The following ARHGAP22 variants were observed in gnomAD, a reference collection of about 807,000 sequenced individuals.
ARHGAP22 encodes the protein Rho GTPase activating protein 22.
A neutral mutation model predicts 59.1 loss-of-function variants in ARHGAP22; 48 were observed. The ratio of observed to expected loss-of-function variants is 0.81; its 90% confidence interval spans 0.64 to 1.03. The LOEUF is 1.03. Ranked by LOEUF, ARHGAP22 falls within the 50% of genes least tolerant of loss-of-function variation. ARHGAP22 has a pLI of 0.00. For synonymous variants in ARHGAP22, 445 were observed against 416.4 expected (o/e 1.07, Z -0.84); for missense variants, 1,015 against 958.7 (o/e 1.06, Z -0.78).
intron 1 of ARHGAP22, among the ~76,000 whole-genome samples, chr10:48,641,373 G>C (rs1443688169): frequency 6.6e-6 from 1 of 152,012 alleles, no homozygotes; most frequent in African/African-American, 2.4e-5. Context: ...ACACAAACTG[G>C]TTAAAAGAAA....
At chr10:48,458,310 G>A (rs531732963) in intron 5 of ARHGAP22, among the ~76,000 whole-genome samples, 2 of 152,144 alleles carry the variant, frequency 1.3e-5, no homozygotes, top group African/African-American at 2.4e-5. Context: ...GAGGCCGAGA[G>A]TCAGGTCTGC....
At chr10:48,547,138 A>G (rs906174564) in intron 3 of ARHGAP22, among the ~76,000 whole-genome samples, 1 of 152,218 alleles carries the variant, frequency 6.6e-6, no homozygotes, top group African/African-American at 2.4e-5. Context: ...GGGCACAAAC[A>G]GGAAGATGGC....
chr10:48,496,508 A>T (rs750379863), intron 3 of ARHGAP22, among the ~76,000 whole-genome samples: 1 of 152,214 alleles, frequency 6.6e-6, no homozygotes, highest in Non-Finnish European at 1.5e-5. Flanking sequence ...TCATAGTCAC[A>T]TAGGTAAGAA....
At chr10:48,465,294 T>A (rs2047540674) in intron 4 of ARHGAP22, among the ~76,000 whole-genome samples, 1 of 152,196 alleles carries the variant, frequency 6.6e-6, no homozygotes. Context: ...ATGAACTTGC[T>A]GCCAGGCCTC....
chr10:48,549,705 G>A (rs575571352), intron 3 of ARHGAP22, among the ~76,000 whole-genome samples: 36 of 152,276 alleles, frequency 2.4e-4, no homozygotes, highest in African/African-American at 8.4e-4. Context: ...ATAATTATTA[G>A]AATTAAAACA....
intron 1 of ARHGAP22, among the ~76,000 whole-genome samples, chr10:48,591,694 C>G (rs185066058): frequency 6.6e-6 from 1 of 151,972 alleles, no homozygotes; most frequent in Non-Finnish European, 1.5e-5. Context: ...GGCAACATGG[C>G]GAAACCTCAT....
At chr10:48,590,293 G>T (rs12415798) in intron 1 of ARHGAP22, among the ~76,000 whole-genome samples, 1 of 152,084 alleles carries the variant, frequency 6.6e-6, no homozygotes, top group Non-Finnish European at 1.5e-5. Context: ...ACTGGCAGAT[G>T]TGGAGGCTGT....
intron 2 of ARHGAP22, among the ~76,000 whole-genome samples, chr10:48,578,307 G>A (rs1229355059): frequency 6.6e-6 from 1 of 152,070 alleles, no homozygotes; most frequent in Non-Finnish European, 1.5e-5. Context: ...TAAATCAGCA[G>A]CCTCTCCCTC....
intron 3 of ARHGAP22, among the ~76,000 whole-genome samples, chr10:48,524,521 TG>T (rs1027148113): frequency 6.6e-6 from 1 of 151,756 alleles, no homozygotes; most frequent in South Asian, 2.1e-4. Flanking sequence ...CAAGCAGGGG[TG>T]GGGGGCCACA....
intron 8 of ARHGAP22, 86 bp from the exon 9 acceptor site, chr10:48,451,226 C>T (rs1355758035): frequency 1.3e-6 from 2 of 1,528,032 alleles, no homozygotes; most frequent in African/African-American, 1.4e-5. Flanking sequence ...GCTGCAGCTT[C>T]GTGGGAGCTG....
Position 48,583,149 on chromosome 10 carries a change from C to T in ARHGAP22, c.38G>A (p.Arg13His), listed in dbSNP as rs775119246. 2.7e-5 allele frequency: 44 copies of T among 1,613,410 alleles called. No individual in the cohort carries two copies. Among genetic ancestry groups the T allele is most frequent in the South Asian group, 2.2e-4 (20 of 91,022 alleles). ...CTCCCCCATCACTAGGCTTTTGGAGCGGGCTGAAAGCCAAGGACACACAGA... is the reference window on the plus strand; with the variant it reads ...CTCCCCCATCACTAGGCTTTTGGAGTGGGCTGAAAGCCAAGGACACACAGA... ...SPKIRQARRA[R>H]SKSLVMGEQS... The change falls in exon 2 of 10, where the codon CGC becomes CAC. Residue 13 changes from arginine (R) to histidine (H), a missense_variant. Transcript: ENST00000249601.
intron 3 of ARHGAP22, among the ~76,000 whole-genome samples, chr10:48,504,884 G>C (rs2051924786): frequency 6.6e-6 from 1 of 152,014 alleles, no homozygotes; most frequent in African/African-American, 2.4e-5. Context: ...GAGGGGGTGG[G>C]AAGAGTCCCG....
At chr10:48,443,771 G>A (rs915775933), downstream of ARHGAP22, 3 of 152,220 alleles carry the variant, frequency 2.0e-5, no homozygotes, top group South Asian at 2.1e-4. Flanking sequence ...GTTCCATTCC[G>A]AAATTCCTTC....
chr10:48,604,748 G>C lies in ARHGAP22; in HGVS notation c.34+15C>G. The C allele has an allele frequency of 6.2e-7, 1 of 1,614,244 alleles. No individual in the cohort carries two copies. The highest frequency in any genetic ancestry group is 8.5e-7 in the Non-Finnish European group (1 of 1,180,046). On this transcript the variant is annotated intron_variant, in intron 1 of 9. Transcript: ENST00000249601. The stretch of plus-strand genomic sequence containing the variant: ...ACATGCGGTGCCCAGAGAAACCCCA[G>C]AAAGTTGGACTTACCCCTCCTGGCC...
chr10:48,509,695 C>A (rs2052552892), intron 3 of ARHGAP22, among the ~76,000 whole-genome samples: 1 of 152,262 alleles, frequency 6.6e-6, no homozygotes, highest in Non-Finnish European at 1.5e-5. Flanking sequence ...CTATCAGTGC[C>A]TTCCCAGAAG....
intron 1 of ARHGAP22, among the ~76,000 whole-genome samples, chr10:48,594,635 T>C (rs1400361462): frequency 6.6e-6 from 1 of 152,224 alleles, no homozygotes; most frequent in African/African-American, 2.4e-5. Context: ...TGACAGGTTT[T>C]GGAAGACCGG....
chr10:48,579,698 G>A (rs925084734), intron 2 of ARHGAP22, among the ~76,000 whole-genome samples: 9 of 152,296 alleles, frequency 5.9e-5, no homozygotes, highest in African/African-American at 1.9e-4. Flanking sequence ...TGAGCTCTGC[G>A]AAGCATCAAA....
At chr10:48,517,637 C>CAA in intron 3 of ARHGAP22, among the ~76,000 whole-genome samples, 1 of 152,170 alleles carries the variant, frequency 6.6e-6, no homozygotes, top group Non-Finnish European at 1.5e-5. Context: ...TGAGAGCCAA[C>CAA]CCCCTAACCC....
rs969817031 is a variant in ARHGAP22, at chr10:48,639,643, T to C, written c.52+12591A>G. 2.6e-5 allele frequency among the ~76,000 whole-genome samples: 4 copies of C among 152,282 alleles called. No individual in the cohort carries two copies. The East Asian group carries it at 5.8e-4, about 22-fold the overall frequency. ...CAAGAGTAAAGGCAAATATAACAGATATTAGTGGCTATGTTCTGTGAGGGA... is the reference window on the plus strand; with the variant it reads ...CAAGAGTAAAGGCAAATATAACAGACATTAGTGGCTATGTTCTGTGAGGGA... On this transcript the variant is annotated intron_variant, in intron 1 of 9. Transcript: ENST00000435790.
Sources: allele counts gnomAD v4.1 joint callset (sites outside exome capture counted in the v4.1 genomes callset), GRCh38; gene constraint gnomAD v4.1.1; transcripts MANE v1.5; gene names NCBI Gene and HGNC (gene_info 2026-07-23, HGNC 2026-07-21).